Variants in MAP2K4 observed in about 807,000 individuals in gnomAD.
MAP2K4 encodes the protein mitogen-activated protein kinase kinase 4.
A neutral mutation model predicts 48.5 loss-of-function variants in MAP2K4; 4 were observed. The observed-to-expected ratio is 0.08, with a 90% confidence interval of 0.04 to 0.19. MAP2K4 has a LOEUF of 0.19. Ranked by LOEUF, MAP2K4 falls within the 10% of genes least tolerant of loss-of-function variation. The probability of loss-of-function intolerance (pLI) is 1.00; values close to 1 mark genes in which losing one functional copy is unlikely to be tolerated. For synonymous variants in MAP2K4, 166 were observed against 173.1 expected (o/e 0.96, Z 0.32); for missense variants, 258 against 493.3 (o/e 0.52, Z 4.52).
Position 12,113,225 on chromosome 17 carries a change from T to C in MAP2K4, c.686-8T>C. 1.2e-6 allele frequency: 2 copies of C among 1,612,448 alleles called. No individual in the cohort carries two copies. Among genetic ancestry groups the C allele is most frequent in the Non-Finnish European group, 1.7e-6 (2 of 1,179,062 alleles). On this transcript the variant is annotated splice_polypyrimidine_tract_variant and splice_region_variant and intron_variant, in intron 6 of 10. Transcript: ENST00000353533. ...AATTGTATACTGAATGATATCTATG[T>C]CTTGCAGATATCAAACCTTCCAATA...
At chr17:12,076,650 C>G (rs1264529451) in intron 2 of MAP2K4, among the ~76,000 whole-genome samples, 1 of 152,076 alleles carries the variant, frequency 6.6e-6, no homozygotes, top group Non-Finnish European at 1.5e-5. Flanking sequence ...TATAATCTTG[C>G]ATGTTTCGCA....
intron 5 of MAP2K4, 92 bp downstream of exon 5, chr17:12,108,001 C>A: frequency 1.8e-6 from 2 of 1,117,642 alleles, no homozygotes; most frequent in Non-Finnish European, 2.5e-6. Flanking sequence ...GTGTCACTCA[C>A]AGTACCTTCC....
Position 12,039,741 on chromosome 17 carries a change from C to G in MAP2K4, c.116-15148C>G, listed in dbSNP as rs530428820. On this transcript the variant is annotated intron_variant, in intron 1 of 10. Transcript: ENST00000353533. ...TAATTTGTTCAAGTTGAGACCTCAG[C>G]AAGGTATGTGCACACATTGTGTTTG... 1.3e-3 allele frequency among the ~76,000 whole-genome samples: 205 copies of G among 152,286 alleles called. 1 individual carries two copies. Among genetic ancestry groups the G allele is most frequent in the Non-Finnish European group, 1.6e-3 (109 of 68,018 alleles).
chr17:12,117,576 C>G (rs1972545015), intron 7 of MAP2K4, among the ~76,000 whole-genome samples: 7 of 149,582 alleles, frequency 4.7e-5, no homozygotes, highest in Admixed American at 3.4e-4. Context: ...GGGGCCAAGA[C>G]CTACCTGCAT....
chr17:12,085,360 A>C (rs771286725), intron 3 of MAP2K4, among the ~76,000 whole-genome samples: 1 of 151,932 alleles, frequency 6.6e-6, no homozygotes, highest in Non-Finnish European at 1.5e-5. Context: ...AGAATGTGTC[A>C]TGTTAAATTT....
rs565243535 is a variant in MAP2K4 at position 12,141,351 on chromosome 17, C to T, written c.*91C>T. 36 of 872,752 alleles carry T rather than the reference C, an allele frequency of 4.1e-5. No individual in the cohort carries two copies. The highest frequency in any genetic ancestry group is 2.0e-4 in the African/African-American group (12 of 60,450). 54.1% of individuals were successfully genotyped at this position (872,752 alleles called of 1,614,324 possible). ...CCCGTATCACAGTGTTTTTATTGCT[C>T]GCCCAGACACCATGTGCAATAAGAT... On this transcript the variant is annotated 3_prime_UTR_variant, in exon 11 of 11. Transcript: ENST00000353533.
Position 12,141,327 on chromosome 17 carries a change from C to T in MAP2K4, c.*67C>T. On this transcript the variant is annotated 3_prime_UTR_variant, in exon 11 of 11. Transcript: ENST00000353533. ...AAGCAAGACGTAAAGAATTTTCATC[C>T]CGTATCACAGTGTTTTTATTGCTCG... The T allele has an allele frequency of 9.0e-7, 1 of 1,105,394 alleles. No homozygotes were observed. The highest frequency in any genetic ancestry group is 1.2e-5 in the South Asian group (1 of 80,434). The allele number at this position is 1,105,394 out of a possible 1,614,324, so 68.5% of individuals were successfully genotyped here. A position where few individuals can be genotyped will look rare whatever the true frequency, so the allele number is the denominator to read the frequency against.
intron 3 of MAP2K4, among the ~76,000 whole-genome samples, chr17:12,086,647 G>T (rs898619574): frequency 6.6e-6 from 1 of 151,954 alleles, no homozygotes; most frequent in Non-Finnish European, 1.5e-5. Context: ...AATTAATAGG[G>T]GTACAATTAA....
At chr17:12,037,928 A>T (rs1405853748) in intron 1 of MAP2K4, among the ~76,000 whole-genome samples, 2 of 152,136 alleles carry the variant, frequency 1.3e-5, no homozygotes, top group African/African-American at 4.8e-5. Context: ...TGGGAACATG[A>T]ATTTGTCCTG....
chr17:12,042,566 G>A (rs1969824219), intron 1 of MAP2K4, among the ~76,000 whole-genome samples: 1 of 151,992 alleles, frequency 6.6e-6, no homozygotes, highest in East Asian at 1.9e-4. Context: ...GCCTAAGCTC[G>A]GGAGGTGAAA....
rs1973393452 is a variant in MAP2K4, at chr17:12,142,088, C to G, written c.*828C>G. On this transcript the variant is annotated 3_prime_UTR_variant, in exon 11 of 11. Transcript: ENST00000353533. ...TGCCAACTTGATGTTCCACCTGCCA[C>G]AAACCACCAGGACTGAAAGAAGAAA... is the stretch of plus-strand genomic sequence containing the variant. 2.1e-5 allele frequency: 5 copies of G among 233,462 alleles called. No individual in the cohort carries two copies. The East Asian group carries it at 3.0e-4, about 14-fold the overall frequency. 14.5% of individuals were successfully genotyped at this position (233,462 alleles called of 1,614,324 possible).
At chr17:12,092,367 G>A (rs1971589920) in intron 3 of MAP2K4, among the ~76,000 whole-genome samples, 1 of 152,160 alleles carries the variant, frequency 6.6e-6, no homozygotes, top group Non-Finnish European at 1.5e-5. Flanking sequence ...GGGAAGAGAA[G>A]TTTGTTCTTA....
chr17:12,036,775 A>G (rs1969612270), intron 1 of MAP2K4: 1 of 152,092 alleles, frequency 6.6e-6, no homozygotes, highest in Non-Finnish European at 1.5e-5. Context: ...TTTCCTCAGA[A>G]AATGCCTAAC....
intron 1 of MAP2K4, among the ~76,000 whole-genome samples, chr17:12,040,857 A>T (rs2151516085): frequency 6.6e-6 from 1 of 152,344 alleles, no homozygotes; most frequent in South Asian, 2.1e-4. Context: ...ACCCTTTAGC[A>T]GTAATAATTT....
rs1210637292 is a variant in MAP2K4, at chr17:12,125,399, A to G, written c.891+28A>G. The G allele has an allele frequency of 2.5e-6, 4 of 1,573,270 alleles. No homozygotes were observed. The South Asian group carries it at 4.4e-5, about 17-fold the overall frequency. ...ATGTTTATGCTGATTCAACCTTGCCACAGTAGCGTAACAATAAGAAATTTA... is the reference window on the plus strand; with the variant it reads ...ATGTTTATGCTGATTCAACCTTGCCGCAGTAGCGTAACAATAAGAAATTTA... On this transcript the variant is annotated intron_variant, in intron 8 of 10. Coordinates refer to ENST00000353533, the MANE Select transcript of MAP2K4 (RefSeq NM_003010.4).
At chr17:12,114,421 CACCT>C (rs1972415724) in intron 7 of MAP2K4, among the ~76,000 whole-genome samples, 1 of 148,994 alleles carries the variant, frequency 6.7e-6, no homozygotes, top group Non-Finnish European at 1.5e-5. Context: ...TGTGTGTAGA[CACCT>C]AACCTGTGTG....
intron 7 of MAP2K4, 73 bp from the exon 8 acceptor site, chr17:12,125,221 C>A: frequency 9.2e-7 from 1 of 1,084,368 alleles, no homozygotes; most frequent in Non-Finnish European, 1.4e-6. Flanking sequence ...GCTGTCTACC[C>A]AGCTGTTGCT....
intron 2 of MAP2K4, among the ~76,000 whole-genome samples, chr17:12,062,506 T>A (rs1359215315): frequency 1.3e-5 from 2 of 152,164 alleles, no homozygotes; most frequent in Non-Finnish European, 2.9e-5. Flanking sequence ...GGCTCATTTT[T>A]AAATTATTTT....
At chr17:12,070,944 G>A (rs531262682) in intron 2 of MAP2K4, among the ~76,000 whole-genome samples, 40 of 152,338 alleles carry the variant, frequency 2.6e-4, no homozygotes, top group African/African-American at 9.4e-4. Flanking sequence ...GAAATCTGAA[G>A]GTGTTGGCAG....
Sources: gnomAD v4.1 joint callset for allele counts (sites outside exome capture counted in the v4.1 genomes callset) on GRCh38, gnomAD v4.1.1 for gene constraint, MANE v1.5 for transcripts, NCBI Gene and HGNC (gene_info 2026-07-23, HGNC 2026-07-21) for gene names.